Variants in SORCS3 observed in about 807,000 individuals in gnomAD.
The protein encoded by SORCS3 is VPS10 domain-containing receptor SorCS3.
A neutral mutation model predicts 146.3 loss-of-function variants in SORCS3; 57 were observed. The ratio of observed to expected loss-of-function variants is 0.39; its 90% CI spans 0.31 to 0.49. SORCS3 has a LOEUF of 0.49. Ranked by LOEUF, SORCS3 falls within the 20% of genes least tolerant of loss-of-function variation. SORCS3 has a pLI of 0.92. For missense variants in SORCS3, 1,341 were observed against 1,575.5 expected (o/e 0.85, Z 2.52); for synonymous variants, 653 against 618.5 (o/e 1.06, Z -0.83).
At position 105,264,047 on chromosome 10, in the gene SORCS3, A is replaced by G. The variant is rs185142519; in HGVS notation, c.*673A>G. 8.7e-5 allele frequency: 13 copies of G among 150,262 alleles called. No individual in the cohort carries two copies. The highest frequency in any genetic ancestry group is 6.8e-4 in the Admixed American group (10 of 14,718). 9.3% of individuals were successfully genotyped at this position (150,262 alleles called of 1,614,324 possible). Reference sequence around the variant, plus strand: ...CTGACCAACCCGCCAGGCCTGCTCAATGCATTGGGTTTGGATGCTCTCCTG... The same window carrying G: ...CTGACCAACCCGCCAGGCCTGCTCAGTGCATTGGGTTTGGATGCTCTCCTG... On this transcript the variant is annotated 3_prime_UTR_variant, in exon 27 of 27. Transcript: ENST00000369701.
chr10:105,064,557 A>G (rs1408535219), intron 5 of SORCS3, among the ~76,000 whole-genome samples: 2 of 152,210 alleles, frequency 1.3e-5, no homozygotes, highest in Non-Finnish European at 2.9e-5. Context: ...AGCTGAGGGT[A>G]TGAATCTCAG....
At chr10:105,005,453 A>G (rs1197913270) in intron 4 of SORCS3, among the ~76,000 whole-genome samples, 2 of 152,232 alleles carry the variant, frequency 1.3e-5, no homozygotes, top group Non-Finnish European at 2.9e-5. Context: ...ATTGGGGATT[A>G]GGGAAATCCT....
intron 4 of SORCS3, among the ~76,000 whole-genome samples, chr10:105,020,474 C>T (rs1292060304): frequency 1.3e-5 from 2 of 152,156 alleles, no homozygotes; most frequent in Admixed American, 6.5e-5. Context: ...TGCAAACCCT[C>T]TACCCCAGGT....
At chr10:105,149,116 C>T (rs943655859) in intron 9 of SORCS3, among the ~76,000 whole-genome samples, 8 of 152,138 alleles carry the variant, frequency 5.3e-5, no homozygotes, top group Middle Eastern at 3.4e-3. Context: ...CCCAGCCATG[C>T]GGAACTGTGA....
At chr10:105,201,334 A>G in intron 16 of SORCS3, 81 bp downstream of exon 16, 1 of 1,500,590 alleles carries the variant, frequency 6.7e-7, no homozygotes, top group Non-Finnish European at 9.0e-7. Context: ...AGATGAAGTT[A>G]GGAGAGGAAG....
chr10:105,122,162 A>C (rs1309165628), intron 7 of SORCS3, among the ~76,000 whole-genome samples: 1 of 152,204 alleles, frequency 6.6e-6, no homozygotes, highest in Non-Finnish European at 1.5e-5. Context: ...TGGGCTGTTG[A>C]CTGAAAAGTA....
At chr10:104,854,629 A>G (rs772039896) in intron 2 of SORCS3, among the ~76,000 whole-genome samples, 126 of 152,030 alleles carry the variant, frequency 8.3e-4, no homozygotes, top group Non-Finnish European at 1.6e-3. Flanking sequence ...AGGTTTGTCT[A>G]TCTGCCCTCA....
intron 1 of SORCS3, among the ~76,000 whole-genome samples, chr10:104,649,809 C>T (rs974344134): frequency 3.3e-5 from 5 of 152,102 alleles, no homozygotes; most frequent in South Asian, 2.1e-4. Context: ...AACATTATTT[C>T]GGGGCTTTTA....
chr10:104,778,630 G>A (rs2017339470), intron 1 of SORCS3, among the ~76,000 whole-genome samples: 1 of 152,228 alleles, frequency 6.6e-6, no homozygotes, highest in Admixed American at 6.5e-5. Flanking sequence ...GTCTGGTAGT[G>A]TGTTAAGTTA....
chr10:104,696,769 A>T (rs567447136), intron 1 of SORCS3, among the ~76,000 whole-genome samples: 1 of 120,678 alleles, frequency 8.3e-6, no homozygotes, highest in Admixed American at 1.1e-4. Flanking sequence ...TAATATATAT[A>T]ATATATATAT....
intron 3 of SORCS3, among the ~76,000 whole-genome samples, chr10:104,939,865 A>G (rs1307431050): frequency 2.6e-5 from 4 of 151,892 alleles, no homozygotes; most frequent in Non-Finnish European, 5.9e-5. Context: ...TAATCACTAG[A>G]CTTATTGATT....
At chr10:105,084,594 A>C (rs570999894) in intron 5 of SORCS3, among the ~76,000 whole-genome samples, 1 of 152,338 alleles carries the variant, frequency 6.6e-6, no homozygotes, top group African/African-American at 2.4e-5. Flanking sequence ...AATAACAATA[A>C]GTTCATGGGC....
chr10:104,945,754 A>G (rs2133621992), intron 3 of SORCS3, among the ~76,000 whole-genome samples: 1 of 150,812 alleles, frequency 6.6e-6, no homozygotes, highest in South Asian at 2.2e-4. Flanking sequence ...ACTTTTTCAC[A>G]AAATTAAGCA....
At chr10:105,215,363 G>T (rs190465866) in intron 18 of SORCS3, among the ~76,000 whole-genome samples, 11 of 152,300 alleles carry the variant, frequency 7.2e-5, no homozygotes, top group Admixed American at 5.2e-4. Flanking sequence ...TATGCAAATT[G>T]CTCTGTGCTC....
intron 3 of SORCS3, among the ~76,000 whole-genome samples, chr10:104,976,453 A>T (rs2054897925): frequency 6.6e-6 from 1 of 152,170 alleles, no homozygotes; most frequent in Non-Finnish European, 1.5e-5. Flanking sequence ...ACACTTTTAC[A>T]CTGTTGGGGG....
At chr10:105,091,396 CTCCTTCCT>C (rs1295902164) in intron 6 of SORCS3, among the ~76,000 whole-genome samples, 2 of 36,692 alleles carry the variant, frequency 5.5e-5, no homozygotes, top group Non-Finnish European at 1.2e-4. Context: ...CCTTCCTTCC[CTCCTTCCT>C]TCCTTCCTTC....
At chr10:105,200,139 G>A in intron 15 of SORCS3, 23 bp downstream of exon 15, 2 of 1,586,594 alleles carry the variant, frequency 1.3e-6, no homozygotes, top group South Asian at 1.1e-5. Flanking sequence ...GGGAGTTGGA[G>A]TGCTGGCTTT....
At chr10:104,865,628 T>A (rs1384012809) in intron 2 of SORCS3, among the ~76,000 whole-genome samples, 1 of 152,164 alleles carries the variant, frequency 6.6e-6, no homozygotes, top group South Asian at 2.1e-4. Context: ...CTTTTATTGA[T>A]GAAGCATAGA....
rs555023172 is a variant in SORCS3, at chr10:105,264,891, G to A, written c.*1517G>A. On this transcript the variant is annotated 3_prime_UTR_variant, in exon 27 of 27. Coordinates refer to ENST00000369701, the MANE Select transcript of SORCS3 (RefSeq NM_014978.3). ...TGAAAATGATATAATGTATATATATGGGAGGAAAGGCCACATTTTGTACCT... is the reference window on the plus strand; with the variant it reads ...TGAAAATGATATAATGTATATATATAGGAGGAAAGGCCACATTTTGTACCT... 2.0e-5 allele frequency: 3 copies of A among 152,554 alleles called. No individual in the cohort carries two copies. The highest frequency in any genetic ancestry group is 4.4e-5 in the Non-Finnish European group (3 of 68,022). 9.5% of individuals were successfully genotyped at this position (152,554 alleles called of 1,614,324 possible).
Sources: gnomAD v4.1 joint callset for allele counts (sites outside exome capture counted in the v4.1 genomes callset) on GRCh38, gnomAD v4.1.1 for gene constraint, MANE v1.5 for transcripts, NCBI Gene and HGNC (gene_info 2026-07-23, HGNC 2026-07-21) for gene names.